The following RBKS variants were observed in gnomAD, a reference collection of about 807,000 sequenced individuals.
The protein encoded by RBKS is ribokinase.
RBKS carries 33 observed loss-of-function variants against 33.9 expected under a neutral mutation model. The ratio of observed to expected loss-of-function variants is 0.97; its 90% CI spans 0.74 to 1.30. The LOEUF (loss-of-function observed/expected upper bound fraction) is 1.30. Ranked by LOEUF, RBKS falls within the 50% of genes most tolerant of loss-of-function variation. The pLI, the probability that RBKS is intolerant of heterozygous loss-of-function variation, is 0.00. For missense variants in RBKS, 361 were observed against 392.6 expected (o/e 0.92, Z 0.68); for synonymous variants, 125 against 143.0 (o/e 0.87, Z 0.90).
chr2:27,807,818 G>T (rs148911256), intron 7 of RBKS, among the ~76,000 whole-genome samples: 2 of 151,820 alleles, frequency 1.3e-5, no homozygotes, highest in African/African-American at 4.8e-5. Context: ...AGTATTTTGT[G>T]GGGGGGAATC....
At position 27,783,975 on chromosome 2, in the gene RBKS, C is replaced by CTTT. The variant is rs1161206494; in HGVS notation, c.796-2190_796-2188dup. Among the ~76,000 whole-genome samples, 31 of 55,312 alleles carry CTTT rather than the reference C, an allele frequency of 5.6e-4. 7 individuals are homozygous for CTTT. The highest frequency in any genetic ancestry group is 7.8e-4 in the Non-Finnish European group (22 of 28,030). The allele number at this position is 55,312 out of a possible 152,430, so 36.3% of individuals were successfully genotyped here. The stretch of plus-strand genomic sequence containing the variant: ...ATTCAACAGCTCTCAGGGTCATTTT[C>CTTT]TTTTTTTTTTTTTTTTTTTTTTTTT... On this transcript the variant is annotated intron_variant, in intron 7 of 7. Coordinates refer to ENST00000302188, the MANE Select transcript of RBKS (RefSeq NM_022128.3).
At chr2:27,850,607 A>G (rs187346818) in intron 2 of RBKS, among the ~76,000 whole-genome samples, 21 of 152,330 alleles carry the variant, frequency 1.4e-4, no homozygotes, top group Admixed American at 1.2e-3. Context: ...TCTTTTACTT[A>G]GTAATATGCA....
At chr2:27,868,370 A>G (rs2148224880) in intron 1 of RBKS, among the ~76,000 whole-genome samples, 1 of 152,302 alleles carries the variant, frequency 6.6e-6, no homozygotes, top group Middle Eastern at 3.4e-3. Flanking sequence ...GGAAAAAGTG[A>G]GAGTTCAAAA....
chr2:27,832,508 C>A (rs948642041), intron 6 of RBKS, among the ~76,000 whole-genome samples, 178 bp downstream of exon 6: 1 of 151,916 alleles, frequency 6.6e-6, no homozygotes, highest in South Asian at 2.1e-4. Flanking sequence ...ATCCTTTTTT[C>A]CCCCCTAGGA....
intron 7 of RBKS, among the ~76,000 whole-genome samples, chr2:27,814,529 A>G (rs1446461883): frequency 1.3e-5 from 2 of 152,242 alleles, no homozygotes; most frequent in African/African-American, 2.4e-5. Context: ...AATGCAAATT[A>G]TAGTCACATA....
intron 1 of RBKS, among the ~76,000 whole-genome samples, chr2:27,881,766 A>G (rs1287869135): frequency 6.6e-6 from 1 of 152,152 alleles, no homozygotes; most frequent in African/African-American, 2.4e-5. Flanking sequence ...ATAAGGCCAC[A>G]TACCTACAAC....
intron 4 of RBKS, among the ~76,000 whole-genome samples, chr2:27,846,143 T>G (rs771551402): frequency 6.6e-6 from 1 of 152,142 alleles, no homozygotes; most frequent in African/African-American, 2.4e-5. Flanking sequence ...TGTTTTTGCA[T>G]TTTCAGTAGA....
At chr2:27,803,508 G>C (rs952277777) in intron 7 of RBKS, among the ~76,000 whole-genome samples, 4 of 151,424 alleles carry the variant, frequency 2.6e-5, no homozygotes, top group Non-Finnish European at 4.4e-5. Flanking sequence ...TGGGCAACAT[G>C]GTGAGACCCT....
In RBKS at chr2:27,814,060, G is replaced by GA. The variant is rs995766554; in HGVS notation, c.795+13506dup. 2.5e-4 allele frequency among the ~76,000 whole-genome samples: 36 copies of GA among 146,144 alleles called. 1 individual carries two copies. Among genetic ancestry groups the GA allele is most frequent in the African/African-American group, 3.2e-4 (13 of 40,104 alleles). On this transcript the variant is annotated intron_variant, in intron 7 of 7. Coordinates refer to ENST00000302188, the MANE Select transcript of RBKS (RefSeq NM_022128.3). ...GCAACAAAGTGAGACGCCAGCTCTA[G>GA]AAAAAAAAAAATCAGCTGGGCATAA...
rs144201207 is a variant in RBKS, at chr2:27,887,728, AATC to A, written c.89+2526_89+2528del. 5.0e-3 allele frequency among the ~76,000 whole-genome samples: 766 copies of A among 151,720 alleles called. 6 individuals carry two copies. Among genetic ancestry groups the A allele is most frequent in the African/African-American group, 0.017 (723 of 41,334 alleles). On this transcript the variant is annotated intron_variant, in intron 1 of 7. Coordinates refer to ENST00000302188, the MANE Select transcript of RBKS (RefSeq NM_022128.3). The stretch of plus-strand genomic sequence containing the variant: ...TAAAATTTTTACTAGTGATTTTGCT[AATC>A]ATCAGTAAAATTTTTACTAGTGATT...
At chr2:27,850,612 TA>T (rs1363403272) in intron 2 of RBKS, among the ~76,000 whole-genome samples, 2 of 152,214 alleles carry the variant, frequency 1.3e-5, no homozygotes, top group Non-Finnish European at 2.9e-5. Flanking sequence ...TACTTAGTAA[TA>T]TGCAACTAAA....
chr2:27,877,619 A>G (rs971478135), intron 1 of RBKS, among the ~76,000 whole-genome samples: 4 of 152,150 alleles, frequency 2.6e-5, no homozygotes, highest in South Asian at 2.1e-4. Context: ...CTTTTGTTCC[A>G]TAAGATGGGA....
chr2:27,878,058 T>A (rs1664348740), intron 1 of RBKS, among the ~76,000 whole-genome samples: 2 of 152,166 alleles, frequency 1.3e-5, no homozygotes, highest in South Asian at 4.2e-4. Flanking sequence ...TACTTTAAGT[T>A]TTACGGTACA....
At chr2:27,871,032 C>G in intron 1 of RBKS, 1 of 385,504 alleles carries the variant, frequency 2.6e-6, no homozygotes, top group Non-Finnish European at 5.3e-6. Context: ...ATCAATTTGT[C>G]TAGTTATGGT....
chr2:27,858,487 C>A lies in RBKS; in HGVS notation c.174G>T (p.Gln58His). 1 of 1,614,122 alleles carries A rather than the reference C, an allele frequency of 6.2e-7. No homozygotes were observed. The highest frequency in any genetic ancestry group is 1.1e-5 in the South Asian group (1 of 91,076). ...FIGFGGKGAN[Q>H]CVQAARLGAM... is the part of the protein sequence containing the mutation. Reference sequence around the variant, plus strand: ...CTCCAAGCCGAGCAGCTTGGACACACTGGTTGGCACCTTTCCCTCCAAAGC... The same window carrying A: ...CTCCAAGCCGAGCAGCTTGGACACAATGGTTGGCACCTTTCCCTCCAAAGC... The change falls in exon 2 of 8, where the codon CAG becomes CAT. Residue 58 changes from glutamine (Q) to histidine (H), a missense_variant. Transcript: ENST00000302188.
chr2:27,878,028 AT>A (rs35445284), intron 1 of RBKS, among the ~76,000 whole-genome samples: 102,341 of 150,734 alleles, frequency 0.68, 37,324 homozygotes, highest in Non-Finnish European at 0.84. Flanking sequence ...TTTATTTTTT[AT>A]TTTTTTTAAT....
At chr2:27,844,907 G>A (rs1333973224) in intron 4 of RBKS, among the ~76,000 whole-genome samples, 1 of 152,148 alleles carries the variant, frequency 6.6e-6, no homozygotes, top group African/African-American at 2.4e-5. Context: ...TGTGCTCCGG[G>A]CTGCTCGTGC....
intron 1 of RBKS, among the ~76,000 whole-genome samples, chr2:27,873,831 C>CA (rs67868536): frequency 0.25 from 38,047 of 149,936 alleles, 5,748 homozygotes; most frequent in East Asian, 0.6. Context: ...GGGAAACAAA[C>CA]AAAAAAAAAA....
intron 7 of RBKS, among the ~76,000 whole-genome samples, chr2:27,799,883 C>T (rs1348552220): frequency 2.0e-5 from 3 of 152,160 alleles, no homozygotes; most frequent in Admixed American, 6.5e-5. Flanking sequence ...GGGCTTCTGC[C>T]TTGTTCTTGC....
Sources: allele counts gnomAD v4.1 joint callset (sites outside exome capture counted in the v4.1 genomes callset), GRCh38; gene constraint gnomAD v4.1.1; transcripts MANE v1.5; gene names NCBI Gene and HGNC (gene_info 2026-07-23, HGNC 2026-07-21).